The following CENPU variants were observed in gnomAD, a reference collection of about 807,000 sequenced individuals.
CENPU encodes centromere protein U.
In CENPU, 46 loss-of-function variants were observed where a neutral mutation model predicts 56.7. The ratio of observed to expected loss-of-function variants is 0.81; its 90% CI spans 0.64 to 1.04. The LOEUF (loss-of-function observed/expected upper bound fraction) is 1.04, where lower values mean the gene tolerates loss of function less well. CENPU is among the 50% of genes least tolerant of loss of function. The pLI is 0.00. For missense variants in CENPU, 510 were observed against 490.1 expected (o/e 1.04, Z -0.38); for synonymous variants, 166 against 163.0 (o/e 1.02, Z -0.14).
Position 184,700,917 on chromosome 4 carries a change from G to A in CENPU, c.925-36C>T, listed in dbSNP as rs202153188. Reference sequence around the variant, plus strand: ...CAATCATTTGTGTTAAAATTAATTTGTAACTGTTTGAGCACTGCCACATAA... The same window carrying A: ...CAATCATTTGTGTTAAAATTAATTTATAACTGTTTGAGCACTGCCACATAA... On this transcript the variant is annotated intron_variant, in intron 10 of 12. Coordinates refer to ENST00000281453, the MANE Select transcript of CENPU (RefSeq NM_024629.4). The A allele has an allele frequency of 6.4e-6, 10 of 1,553,848 alleles. No individual in the cohort carries two copies. In the East Asian group the frequency reaches 2.2e-4, roughly 35 times the overall value.
intron 6 of CENPU, among the ~76,000 whole-genome samples, chr4:184,715,806 G>C (rs1761071986): frequency 6.6e-6 from 1 of 152,160 alleles, no homozygotes; most frequent in South Asian, 2.1e-4. Flanking sequence ...ATAAGTATAT[G>C]ATCTCACTTA....
In CENPU at chr4:184,734,029, G is replaced by A. The variant is rs917994568; in HGVS notation, c.34C>T (p.His12Tyr). 1.8e-5 allele frequency: 29 copies of A among 1,591,810 alleles called. No individual in the cohort carries two copies. The highest frequency in any genetic ancestry group is 2.4e-5 in the Non-Finnish European group (28 of 1,171,980). ...APRGRRRPRP[H>Y]RSEGARRSKN... ...GGCAGTACTTACCCCTCAGACCTGT[G>A]AGGCCGCGGCCGCCGCCGCCCCCGC... Residue 12 changes from histidine to tyrosine, a missense_variant, in exon 1 of 13, where the codon CAC becomes TAC. Transcript: ENST00000281453.
chr4:184,727,397 A>G (rs978273022), intron 3 of CENPU, among the ~76,000 whole-genome samples: 2 of 152,222 alleles, frequency 1.3e-5, no homozygotes, highest in Non-Finnish European at 2.9e-5. Flanking sequence ...TATCTGCTAC[A>G]GAGTTAATAC....
At chr4:184,717,245 T>C in intron 4 of CENPU, 49 bp from the exon 5 acceptor site, 1 of 1,331,758 alleles carries the variant, frequency 7.5e-7, no homozygotes. Flanking sequence ...CCATTTATAT[T>C]CACATGTCTT....
In CENPU at chr4:184,694,977, T is replaced by C. The variant is rs368201719; in HGVS notation, c.*311A>G. ...ATTCAGGAGAAATCGCCTTATTAAT[T>C]AATCAAAATTATGTTCACATCAACT... On this transcript the variant is annotated 3_prime_UTR_variant, in exon 13 of 13. Coordinates refer to ENST00000281453, the MANE Select transcript of CENPU (RefSeq NM_024629.4). 3.6e-6 allele frequency: 2 copies of C among 555,506 alleles called. No individual in the cohort carries two copies. Among genetic ancestry groups the C allele is most frequent in the East Asian group, 2.9e-5 (1 of 34,108 alleles). The allele number at this position is 555,506 out of a possible 1,614,324, so 34.4% of individuals were successfully genotyped here.
At chr4:184,719,996 A>T (rs1351683642) in intron 4 of CENPU, among the ~76,000 whole-genome samples, 2 of 152,160 alleles carry the variant, frequency 1.3e-5, no homozygotes, top group Non-Finnish European at 2.9e-5. Flanking sequence ...AAGCATCAAG[A>T]CCATCCAGTG....
intron 8 of CENPU, among the ~76,000 whole-genome samples, chr4:184,708,879 T>C (rs1449746796): frequency 6.6e-6 from 1 of 152,114 alleles, no homozygotes; most frequent in Non-Finnish European, 1.5e-5. Context: ...GTGAATTTTG[T>C]TGTTGTCTTA....
rs2150193570 is a variant in CENPU at position 184,694,666 on chromosome 4, G to A, written c.*622C>T. The A allele has an allele frequency of 6.2e-7, 1 of 1,614,142 alleles. No homozygotes were observed. The highest frequency in any genetic ancestry group is 8.5e-7 in the Non-Finnish European group (1 of 1,180,018). On this transcript the variant is annotated 3_prime_UTR_variant, in exon 13 of 13. Transcript: ENST00000281453. ...TGGCATTGATGATGCTTATTTTTTA[G>A]AAGCTACTGAAGATGCTGAATTAGC... is the stretch of plus-strand genomic sequence containing the variant.
At chr4:184,718,008 C>T (rs376756838) in intron 4 of CENPU, among the ~76,000 whole-genome samples, 116 of 152,294 alleles carry the variant, frequency 7.6e-4, no homozygotes, top group African/African-American at 2.7e-3. Context: ...AAATAACGAA[C>T]GCTAGGGAAG....
In CENPU at chr4:184,702,061, T is replaced by C. The variant is rs370785196; in HGVS notation, c.924+28A>G. The C allele has an allele frequency of 1.1e-5, 16 of 1,486,914 alleles. No homozygotes were observed. In the African/African-American group the frequency reaches 2.1e-4, roughly 19 times the overall value. The allele number at this position is 1,486,914 out of a possible 1,614,324, so 92.1% of individuals were successfully genotyped here. On this transcript the variant is annotated intron_variant, in intron 10 of 12. Coordinates refer to ENST00000281453, the MANE Select transcript of CENPU (RefSeq NM_024629.4). Reference sequence around the variant, plus strand: ...TCTACATTAGTATTGTGTTTGACTCTATGACTCTAATCACATAAATAATTT... The same window carrying C: ...TCTACATTAGTATTGTGTTTGACTCCATGACTCTAATCACATAAATAATTT...
At chr4:184,709,397 G>A (rs748544980) in intron 8 of CENPU, among the ~76,000 whole-genome samples, 4 of 151,624 alleles carry the variant, frequency 2.6e-5, no homozygotes, top group Non-Finnish European at 5.9e-5. Context: ...TGAGGCAGGA[G>A]AATTGCTTGA....
chr4:184,704,003 A>C (rs1230083950), intron 8 of CENPU, among the ~76,000 whole-genome samples: 1 of 152,252 alleles, frequency 6.6e-6, no homozygotes, highest in East Asian at 1.9e-4. Context: ...GCTGTGTAAA[A>C]GTATAGCACA....
chr4:184,712,967 G>T lies in CENPU; in HGVS notation c.665C>A (p.Ser222Ter), dbSNP rs1314163092. The stretch of plus-strand genomic sequence containing the variant: ...ACCTGAGCCTATGGCTTTACTTCTT[G>T]ATTTCTTCCTTTTGTCATGAGATAT... ...GKISHDKRKKSRSKAIGSDTS... is the reference protein window; with the variant it reads ...GKISHDKRKK Residue 222 changes from serine to a stop codon, truncating the protein, a stop_gained, in exon 7 of 13, where the codon TCA becomes TAA. Coordinates refer to ENST00000281453, the MANE Select transcript of CENPU (RefSeq NM_024629.4). LOFTEE classifies it high-confidence loss of function. The T allele has an allele frequency of 1.3e-6, 2 of 1,590,716 alleles. No individual in the cohort carries two copies. The highest frequency in any genetic ancestry group is 1.1e-5 in the South Asian group (1 of 88,708).
intron 4 of CENPU, among the ~76,000 whole-genome samples, chr4:184,720,222 G>C (rs1761229085): frequency 6.6e-6 from 1 of 152,038 alleles, no homozygotes; most frequent in African/African-American, 2.4e-5. Flanking sequence ...TTCAGTAGTT[G>C]AAAAATGTAA....
intron 4 of CENPU, among the ~76,000 whole-genome samples, chr4:184,720,301 G>A (rs1761231922): frequency 6.6e-6 from 1 of 152,030 alleles, no homozygotes; most frequent in African/African-American, 2.4e-5. Context: ...AAGAATTAGT[G>A]AGCTTGAAGA....
chr4:184,704,998 C>T (rs768634874), intron 8 of CENPU, among the ~76,000 whole-genome samples: 6 of 152,214 alleles, frequency 3.9e-5, no homozygotes, highest in South Asian at 2.1e-4. Context: ...GATCATACAC[C>T]GTGGAAAACA....
intron 7 of CENPU, chr4:184,710,497 C>T (rs1483572517): frequency 5.2e-6 from 1 of 192,630 alleles, no homozygotes; most frequent in Non-Finnish European, 1.1e-5. Flanking sequence ...TGGGGATAAG[C>T]TCTTCATTGT....
intron 3 of CENPU, 59 bp from the exon 4 acceptor site, chr4:184,725,121 T>C (rs1761409634): frequency 9.6e-7 from 1 of 1,040,372 alleles, no homozygotes; most frequent in South Asian, 1.4e-5. Flanking sequence ...GGCAGTACTG[T>C]AGTTTATTCC....
At chr4:184,705,898 G>A (rs143362095) in intron 8 of CENPU, among the ~76,000 whole-genome samples, 78 of 152,270 alleles carry the variant, frequency 5.1e-4, no homozygotes, top group African/African-American at 1.8e-3. Flanking sequence ...TGAAGTATTC[G>A]AAGTAGTCAA....
Sources: gnomAD v4.1 joint callset for allele counts (sites outside exome capture counted in the v4.1 genomes callset) on GRCh38, gnomAD v4.1.1 for gene constraint, MANE v1.5 for transcripts, NCBI Gene and HGNC (gene_info 2026-07-23, HGNC 2026-07-21) for gene names.